TTC6: variants seen among roughly 807,000 people sequenced by gnomAD.
TTC6 encodes tetratricopeptide repeat protein 6.
Under a neutral mutation model 210.4 loss-of-function variants are expected in TTC6, and 172 were observed. That is an observed-to-expected ratio of 0.82 (90% CI 0.72 to 0.93). TTC6 has a LOEUF of 0.93. Among genes scored for constraint, TTC6 ranks in the 40% least tolerant of loss-of-function variants. The probability of loss-of-function intolerance (pLI) is 0.00; values close to 1 mark genes in which losing one functional copy is unlikely to be tolerated. For missense variants in TTC6, 2,414 were observed against 2,318.1 expected, an observed-to-expected ratio of 1.04 and a Z score of -0.85; for synonymous variants, 804 against 819.6, an observed-to-expected ratio of 0.98 and a Z score of 0.32.
intron 14 of TTC6, among the ~76,000 whole-genome samples, chr14:37,765,106 T>C (rs1448215726): frequency 6.6e-6 from 1 of 152,028 alleles, no homozygotes; most frequent in Non-Finnish European, 1.5e-5. Flanking sequence ...TTTGTGCCTG[T>C]ATAAGTTTGT....
intron 1 of TTC6, among the ~76,000 whole-genome samples, chr14:37,651,992 CT>C (rs372874163): frequency 1.1e-3 from 163 of 152,238 alleles, no homozygotes; most frequent in African/African-American, 3.7e-3. Context: ...CAACTAAAGT[CT>C]TCAACAGATC....
chr14:37,834,510 G>T (rs1423853152), intron 29 of TTC6, among the ~76,000 whole-genome samples: 1 of 152,010 alleles, frequency 6.6e-6, no homozygotes, highest in Non-Finnish European at 1.5e-5. Context: ...GAATTCTTCA[G>T]TTCCAGGATT....
chr14:37,606,398 TAG>T (rs974690913), intron 1 of TTC6, among the ~76,000 whole-genome samples: 1 of 152,062 alleles, frequency 6.6e-6, no homozygotes, highest in African/African-American at 2.4e-5. Flanking sequence ...GGCAGGAGGG[TAG>T]AGTGTTAGGA....
intron 9 of TTC6, 86 bp downstream of exon 11, chr14:37,737,820 T>C: frequency 1.6e-6 from 1 of 630,576 alleles, no homozygotes; most frequent in Non-Finnish European, 2.6e-6. Context: ...TTTAAAAGCA[T>C]CTACTTCTAT....
At chr14:37,803,723 A>G (rs1035128368) in intron 20 of TTC6, among the ~76,000 whole-genome samples, 6 of 152,156 alleles carry the variant, frequency 3.9e-5, no homozygotes, top group Non-Finnish European at 8.8e-5. Context: ...GACAGGAGAG[A>G]AAAAGGTGAA....
intron 1 of TTC6, among the ~76,000 whole-genome samples, chr14:37,676,474 A>G (rs1044079079): frequency 2.0e-5 from 3 of 152,070 alleles, no homozygotes; most frequent in African/African-American, 7.2e-5. Flanking sequence ...GACCCTTGTC[A>G]GGCAAATGAT....
chr14:37,626,991 G>A (rs905169205), intron 1 of TTC6, among the ~76,000 whole-genome samples: 1 of 152,152 alleles, frequency 6.6e-6, no homozygotes, highest in African/African-American at 2.4e-5. Context: ...GTGGGGCCTG[G>A]TGGGAGGTGT....
intron 2 of TTC6, among the ~76,000 whole-genome samples, chr14:37,610,806 G>T (rs1001005737): frequency 4.6e-5 from 7 of 152,094 alleles, no homozygotes; most frequent in East Asian, 3.9e-4. Flanking sequence ...CACAGTTTTT[G>T]AACTTTGTGT....
exon 2 of TTC6, chr14:37,606,684 A>G (rs1304376521): frequency 4.1e-6 from 4 of 974,826 alleles, no homozygotes; most frequent in Admixed American, 6.2e-5. Flanking sequence ...CCTGTATGCC[A>G]TCTGTTTTCT....
chr14:37,791,477 C>T (rs1032190344), intron 16 of TTC6, among the ~76,000 whole-genome samples: 1 of 152,068 alleles, frequency 6.6e-6, no homozygotes, highest in African/African-American at 2.4e-5. Context: ...CATGCCAATT[C>T]CTTGCCAACC....
chr14:37,720,572 A>AC (rs1208846657), intron 6 of TTC6: 1 of 151,886 alleles, frequency 6.6e-6, no homozygotes, highest in Non-Finnish European at 1.5e-5. Context: ...AAAAAAAAAA[A>AC]AAAAAAACTC....
intron 20 of TTC6, 120 bp downstream of exon 22, chr14:37,797,067 T>G: frequency 1.0e-6 from 1 of 976,554 alleles, no homozygotes; most frequent in Non-Finnish European, 1.4e-6. Context: ...TTCTGTGAAT[T>G]AACATTTGGG....
chr14:37,670,425 A>G (rs2138472020), intron 1 of TTC6, among the ~76,000 whole-genome samples: 1 of 151,018 alleles, frequency 6.6e-6, no homozygotes, highest in African/African-American at 2.4e-5. Flanking sequence ...ATGTTTTGTT[A>G]ACACATGTAC....
chr14:37,632,622 G>A (rs1233145779), intron 1 of TTC6, among the ~76,000 whole-genome samples: 2 of 152,224 alleles, frequency 1.3e-5, no homozygotes, highest in Non-Finnish European at 2.9e-5. Flanking sequence ...GAGGCTGTCT[G>A]TCCCTTAGCA....
At chr14:37,728,426 A>T (rs796196022) in intron 7 of TTC6, among the ~76,000 whole-genome samples, 154 of 148,420 alleles carry the variant, frequency 1.0e-3, no homozygotes, top group Admixed American at 1.2e-3. Context: ...CCAAAAAAAA[A>T]AAAAAAAAAA....
At chr14:37,787,753 CTAATATACA>C in intron 15 of TTC6, 116 bp downstream of exon 17, 1 of 687,470 alleles carries the variant, frequency 1.5e-6, no homozygotes, top group Non-Finnish European at 2.1e-6. Context: ...CTACTATATA[CTAATATACA>C]TTATAAGTAT....
chr14:37,690,861 A>AGAGCAATG (rs1458293580), intron 3 of TTC6, among the ~76,000 whole-genome samples: 5 of 152,354 alleles, frequency 3.3e-5, no homozygotes, highest in African/African-American at 1.2e-4. Flanking sequence ...TCTGCACTAT[A>AGAGCAATG]GAGCAATGGA....
rs963317567 is a variant in TTC6 at position 37,753,030 on chromosome 14, A to G, written c.3130-69A>G. ...GAAGTTAAAAACATAGTTTTAGATCACTTATGTGATTATATACTTCATTTT... is the reference window on the plus strand; with the variant it reads ...GAAGTTAAAAACATAGTTTTAGATCGCTTATGTGATTATATACTTCATTTT... On this transcript the variant is annotated intron_variant, in intron 13 of 30. Coordinates refer to ENST00000553443, the Ensembl canonical transcript of TTC6. 2.5e-6 allele frequency: 3 copies of G among 1,210,470 alleles called. No individual in the cohort carries two copies. The African/African-American group carries it at 4.6e-5, about 18-fold the overall frequency. 75.0% of individuals were successfully genotyped at this position (1,210,470 alleles called of 1,614,324 possible).
intron 17 of TTC6, among the ~76,000 whole-genome samples, chr14:37,795,016 T>C (rs2096089244): frequency 1.3e-5 from 2 of 152,186 alleles, no homozygotes; most frequent in African/African-American, 4.8e-5. Flanking sequence ...ATCACATTTA[T>C]GTGAAATAGT....
Sources: gnomAD v4.1 joint callset for allele counts (sites outside exome capture counted in the v4.1 genomes callset) on GRCh38, gnomAD v4.1.1 for gene constraint, MANE v1.5 for transcripts, NCBI Gene and HGNC (gene_info 2026-07-23, HGNC 2026-07-21) for gene names.